Variants in RFX4 observed in about 807,000 individuals in gnomAD.
RFX4 encodes the protein regulatory factor X4.
A neutral mutation model predicts 95.0 loss-of-function variants in RFX4; 10 were observed. The observed-to-expected ratio is 0.11, with a 90% CI of 0.06 to 0.18. The LOEUF is 0.18. RFX4 is among the 10% of genes least tolerant of loss of function. The probability of loss-of-function intolerance (pLI) is 1.00; values close to 1 mark genes in which losing one functional copy is unlikely to be tolerated. For synonymous variants in RFX4, 321 were observed against 340.7 expected, an observed-to-expected ratio of 0.94 and a Z score of 0.64; for missense variants, 640 against 922.0, an observed-to-expected ratio of 0.69 and a Z score of 3.96.
intron 15 of RFX4, among the ~76,000 whole-genome samples, chr12:106,734,308 G>T (rs1403133432): frequency 1.3e-5 from 2 of 152,106 alleles, no homozygotes; most frequent in Non-Finnish European, 2.9e-5. Context: ...ACTTGAAAAT[G>T]GTTTATACTG....
chr12:106,736,214 G>A (rs1412150362), intron 15 of RFX4, among the ~76,000 whole-genome samples: 1 of 152,140 alleles, frequency 6.6e-6, no homozygotes, highest in Non-Finnish European at 1.5e-5. Flanking sequence ...CATAAAGGAG[G>A]CTCTCTGTAA....
At chr12:106,709,051 G>A (rs1444556113) in intron 8 of RFX4, among the ~76,000 whole-genome samples, 2 of 152,172 alleles carry the variant, frequency 1.3e-5, no homozygotes, top group African/African-American at 4.8e-5. Flanking sequence ...TCAAAAGCAT[G>A]AAGGAGCATG....
At chr12:106,719,730 A>C (rs1565993929) in intron 11 of RFX4, among the ~76,000 whole-genome samples, 1 of 152,184 alleles carries the variant, frequency 6.6e-6, no homozygotes, top group Non-Finnish European at 1.5e-5. Flanking sequence ...GCGGAATGGC[A>C]AGTAATATGG....
intron 4 of RFX4, among the ~76,000 whole-genome samples, chr12:106,672,550 G>A (rs976940722): frequency 5.3e-5 from 8 of 152,252 alleles, no homozygotes; most frequent in Middle Eastern, 3.4e-3. Flanking sequence ...ATCAAACAGC[G>A]AAGCTCAACT....
intron 16 of RFX4, among the ~76,000 whole-genome samples, chr12:106,749,859 T>C (rs1253485535): frequency 6.6e-6 from 1 of 152,082 alleles, no homozygotes; most frequent in Non-Finnish European, 1.5e-5. Context: ...GCCATGGTGC[T>C]CTCCCCCCAG....
At chr12:106,635,340 A>C (rs1361439532) in intron 2 of RFX4, among the ~76,000 whole-genome samples, 2 of 152,194 alleles carry the variant, frequency 1.3e-5, no homozygotes, top group East Asian at 3.8e-4. Flanking sequence ...TTTTTGAGAC[A>C]GGGTTTCACT....
chr12:106,659,222 C>T (rs758703560), intron 4 of RFX4, among the ~76,000 whole-genome samples: 23 of 152,002 alleles, frequency 1.5e-4, no homozygotes, highest in Non-Finnish European at 2.9e-4. Context: ...TCCTCCCTAG[C>T]CCAGCTGGGG....
intron 5 of RFX4, chr12:106,683,530 T>C (rs1431291556): frequency 1.3e-5 from 2 of 149,530 alleles, no homozygotes; most frequent in Non-Finnish European, 3.0e-5. Flanking sequence ...ATTCTGGTAT[T>C]TGTTTAAAAG....
intron 8 of RFX4, among the ~76,000 whole-genome samples, chr12:106,705,907 T>A (rs2042075344): frequency 6.6e-6 from 1 of 152,160 alleles, no homozygotes; most frequent in African/African-American, 2.4e-5. Context: ...AAAACAGACA[T>A]AGTCCCTGCC....
rs147916746 is a variant in RFX4, at chr12:106,720,828, G to A, written c.1303G>A (p.Gly435Ser). The change falls in exon 13 of 18, where the codon GGC (glycine) becomes AGC (serine). Residue 435 changes from glycine (G) to serine (S), a missense_variant. This residue lies in a region of RFX4 where 20 missense variants were observed against 52.3 expected (regional missense o/e 0.38). Coordinates refer to ENST00000392842, the MANE Select transcript of RFX4 (RefSeq NM_213594.3). This position sits in a 1 kb window ranked among gnomAD's most constrained non-coding sequence, Gnocchi z 4.2. Reference protein sequence around the residue: ...QQFLLMWSCFGTRVIRDMTLH... With the variant: ...QQFLLMWSCFSTRVIRDMTLH... ...GTTCCTCTTGATGTGGTCCTGTTTC[G>A]GCACAAGGGTGATCCGGGACATGAC... The A allele has an allele frequency of 5.6e-6, 9 of 1,613,376 alleles. No individual in the cohort carries two copies. Among genetic ancestry groups the A allele is most frequent in the African/African-American group, 1.3e-5 (1 of 74,886 alleles).
chr12:106,716,789 A>C (rs1338366138), intron 11 of RFX4, among the ~76,000 whole-genome samples: 1 of 152,062 alleles, frequency 6.6e-6, no homozygotes, highest in East Asian at 1.9e-4. Flanking sequence ...GCACGGTCCC[A>C]TTTAATCTCC....
At chr12:106,751,270 C>T (rs2043000053) in intron 17 of RFX4, among the ~76,000 whole-genome samples, 1 of 149,628 alleles carries the variant, frequency 6.7e-6, no homozygotes, top group Non-Finnish European at 1.5e-5. Flanking sequence ...ATGAACTCAT[C>T]ATTTTTTATG....
At chr12:106,743,166 T>C (rs1294926475) in intron 15 of RFX4, among the ~76,000 whole-genome samples, 1 of 151,682 alleles carries the variant, frequency 6.6e-6, no homozygotes, top group South Asian at 2.1e-4. Flanking sequence ...TTTAAATAAA[T>C]AGAAATGTGA....
chr12:106,678,229 A>G (rs924438453), intron 4 of RFX4, among the ~76,000 whole-genome samples: 7 of 152,148 alleles, frequency 4.6e-5, no homozygotes, highest in African/African-American at 1.4e-4. Context: ...GCCTTCTGGC[A>G]CATCTCTAGA....
At chr12:106,661,185 A>G (rs2041065347) in intron 4 of RFX4, among the ~76,000 whole-genome samples, 1 of 152,136 alleles carries the variant, frequency 6.6e-6, no homozygotes, top group Non-Finnish European at 1.5e-5. Flanking sequence ...TCCTCCATCT[A>G]TCAAATGGGG....
chr12:106,645,607 T>A (rs7305419), intron 3 of RFX4, among the ~76,000 whole-genome samples: 1 of 152,002 alleles, frequency 6.6e-6, no homozygotes, highest in African/African-American at 2.4e-5. Flanking sequence ...AAGAAATTTA[T>A]AATTTCTCTT....
chr12:106,726,479 A>T (rs2042500047), intron 13 of RFX4, among the ~76,000 whole-genome samples: 1 of 152,178 alleles, frequency 6.6e-6, no homozygotes, highest in Admixed American at 6.5e-5. Context: ...TATATGCTAA[A>T]CATTTATTAA....
intron 2 of RFX4, among the ~76,000 whole-genome samples, chr12:106,621,094 A>G (rs953151460): frequency 2.2e-4 from 33 of 152,126 alleles, no homozygotes; most frequent in Non-Finnish European, 5.9e-5. Flanking sequence ...TTTTACCATC[A>G]ATTTGTACAG....
intron 2 of RFX4, among the ~76,000 whole-genome samples, chr12:106,612,319 T>G (rs2039977015): frequency 6.6e-6 from 1 of 152,220 alleles, no homozygotes; most frequent in African/African-American, 2.4e-5. Context: ...TACAAGTGTT[T>G]TGCTTCCTTG....
Sources: allele counts gnomAD v4.1 joint callset (sites outside exome capture counted in the v4.1 genomes callset), GRCh38; gene constraint gnomAD v4.1.1; regional missense constraint gnomAD v4.1.1; non-coding constraint Gnocchi (gnomAD v3.1); transcripts MANE v1.5; gene names NCBI Gene and HGNC (gene_info 2026-07-23, HGNC 2026-07-21).